Variants in RASGRP3 observed in about 807,000 individuals in gnomAD.
The protein encoded by RASGRP3 is ras guanyl-releasing protein 3.
A neutral mutation model predicts 82.7 loss-of-function variants in RASGRP3; 54 were observed. The ratio of observed to expected loss-of-function variants is 0.65; its 90% CI spans 0.52 to 0.82. RASGRP3 has a LOEUF of 0.82. RASGRP3 is among the 40% of genes least tolerant of loss of function. The pLI is 0.00. For missense variants in RASGRP3, 861 were observed against 828.9 expected (o/e 1.04, Z -0.48); for synonymous variants, 309 against 300.5 (o/e 1.03, Z -0.29).
intron 1 of RASGRP3, chr2:33,481,062 T>A (rs1385125985): frequency 6.6e-6 from 1 of 152,268 alleles, no homozygotes; most frequent in Non-Finnish European, 1.5e-5. Context: ...GAGTGACTTG[T>A]CTATGGTCAT....
chr2:33,527,283 C>T lies in RASGRP3; in HGVS notation c.954C>T (p.Asp318=), dbSNP rs552600627. The T allele has an allele frequency of 1.9e-6, 3 of 1,613,982 alleles. No homozygotes were observed. The highest frequency in any genetic ancestry group is 2.2e-5 in the South Asian group (2 of 91,086). Residue 318 remains aspartate (D), a synonymous_variant, in exon 10 of 18, where the codon GAC becomes GAT. Coordinates refer to ENST00000403687, the MANE Select transcript of RASGRP3 (RefSeq NM_001139488.2). ...TAGCTGTCCATGTCATTTTCCCAGA[C>T]TGGACAGAGGAGAACAAAGTGAACA... ...DLIAVHVIFP[D]WTEENKVNIV... is the part of the protein sequence containing the mutation.
chr2:33,550,766 A>G (rs937883828), intron 14 of RASGRP3, among the ~76,000 whole-genome samples: 1 of 152,012 alleles, frequency 6.6e-6, no homozygotes, highest in African/African-American at 2.4e-5. Context: ...CAGAAATTAC[A>G]TTTTTCCCAT....
intron 1 of RASGRP3, among the ~76,000 whole-genome samples, chr2:33,484,483 A>G (rs1179831263): frequency 6.6e-6 from 1 of 152,112 alleles, no homozygotes; most frequent in Admixed American, 6.5e-5. Flanking sequence ...CCACTTATGC[A>G]TGGAATGCTT....
intron 7 of RASGRP3, among the ~76,000 whole-genome samples, 171 bp from the exon 8 acceptor site, chr2:33,523,708 A>G (rs1210243023): frequency 1.3e-5 from 2 of 152,202 alleles, no homozygotes; most frequent in African/African-American, 2.4e-5. Context: ...CAGCAAAATA[A>G]CATTTTAAAG....
chr2:33,556,924 C>CACACACACACAT (rs1553366481), intron 15 of RASGRP3, among the ~76,000 whole-genome samples: 1 of 98,122 alleles, frequency 1.0e-5, no homozygotes. Context: ...CACACACACA[C>CACACACACACAT]ACACGCAATT....
intron 10 of RASGRP3, among the ~76,000 whole-genome samples, chr2:33,529,583 C>A (rs1672917046): frequency 6.6e-6 from 1 of 150,890 alleles, no homozygotes; most frequent in Non-Finnish European, 1.5e-5. Context: ...AGGAATCTTT[C>A]TCTCTCTGTC....
intron 14 of RASGRP3, among the ~76,000 whole-genome samples, chr2:33,550,188 C>A (rs1005746355): frequency 5.3e-5 from 8 of 152,138 alleles, no homozygotes; most frequent in South Asian, 2.1e-4. Flanking sequence ...AAGAAAAAAT[C>A]TTTTTGGAGA....
intron 1 of RASGRP3, among the ~76,000 whole-genome samples, chr2:33,492,724 T>A (rs12470632): frequency 0.033 from 4,990 of 152,176 alleles, 110 homozygotes; most frequent in Non-Finnish European, 0.045. Context: ...GAGAAATAAA[T>A]TTCTGTTATT....
intron 11 of RASGRP3, among the ~76,000 whole-genome samples, chr2:33,536,558 G>A (rs1574452195): frequency 6.6e-6 from 1 of 151,860 alleles, no homozygotes; most frequent in Non-Finnish European, 1.5e-5. Flanking sequence ...TTATTTTCAG[G>A]ATCTTTTTTT....
chr2:33,515,223 C>T lies in RASGRP3; in HGVS notation c.70+17C>T, dbSNP rs997471570. The T allele has an allele frequency of 4.3e-6, 7 of 1,612,606 alleles. No homozygotes were observed. The highest frequency in any genetic ancestry group is 5.9e-6 in the Non-Finnish European group (7 of 1,178,686). On this transcript the variant is annotated intron_variant, in intron 3 of 17. Transcript: ENST00000403687. ...AGATGTTTGGTACGAGCCTTTTCTC[C>T]TTTCATCTCTTTTGGATCTCTCGAT...
At chr2:33,520,977 G>A (rs756066515) in intron 6 of RASGRP3, among the ~76,000 whole-genome samples, 1 of 152,216 alleles carries the variant, frequency 6.6e-6, no homozygotes, top group East Asian at 1.9e-4. Flanking sequence ...GATGCTCAGT[G>A]TTAGTTACTG....
chr2:33,495,052 G>A (rs938922180), intron 1 of RASGRP3, among the ~76,000 whole-genome samples: 5 of 152,216 alleles, frequency 3.3e-5, no homozygotes, highest in African/African-American at 1.2e-4. Flanking sequence ...TAACTGTCTT[G>A]TCATTCTTCC....
chr2:33,476,530 A>T (rs1667388305), upstream of RASGRP3: 3 of 152,186 alleles, frequency 2.0e-5, no homozygotes, highest in South Asian at 6.2e-4. Context: ...GAGAAGAATG[A>T]TCTTCAGTTT....
At chr2:33,452,878 T>C (rs1267912825) in intron 2 of RASGRP3, among the ~76,000 whole-genome samples, 2 of 152,160 alleles carry the variant, frequency 1.3e-5, no homozygotes, top group Non-Finnish European at 2.9e-5. Flanking sequence ...AGCATTAGGG[T>C]AGCCCTGGAT....
At chr2:33,500,591 A>G (rs746624511) in intron 1 of RASGRP3, among the ~76,000 whole-genome samples, 1 of 152,176 alleles carries the variant, frequency 6.6e-6, no homozygotes, top group Non-Finnish European at 1.5e-5. Context: ...ACTGGGAGGC[A>G]GGTTGAGCCA....
intron 1 of RASGRP3, among the ~76,000 whole-genome samples, chr2:33,487,002 C>G (rs78474189): frequency 6.6e-6 from 1 of 152,072 alleles, no homozygotes; most frequent in East Asian, 1.9e-4. Context: ...AATTAACCCC[C>G]ATTTATTATC....
intron 11 of RASGRP3, 106 bp downstream of exon 11, chr2:33,534,506 T>G: frequency 1.3e-6 from 1 of 787,838 alleles, no homozygotes; most frequent in East Asian, 2.7e-5. Context: ...GGAAGAATTT[T>G]AAAAATTGAC....
At chr2:33,509,175 T>C (rs979294598) in intron 1 of RASGRP3, among the ~76,000 whole-genome samples, 1 of 151,772 alleles carries the variant, frequency 6.6e-6, no homozygotes, top group African/African-American at 2.4e-5. Flanking sequence ...CTGAGGTGGG[T>C]GGATCACTTG....
chr2:33,478,649 A>C (rs1667597531), intron 1 of RASGRP3, among the ~76,000 whole-genome samples: 1 of 152,238 alleles, frequency 6.6e-6, no homozygotes, highest in South Asian at 2.1e-4. Context: ...TTTTACTTGC[A>C]GATAGTACAT....
Sources: gnomAD v4.1 joint callset for allele counts (sites outside exome capture counted in the v4.1 genomes callset) on GRCh38, gnomAD v4.1.1 for gene constraint, MANE v1.5 for transcripts, NCBI Gene and HGNC (gene_info 2026-07-23, HGNC 2026-07-21) for gene names.